The following MAGI2 variants were observed in gnomAD, a reference collection of about 807,000 sequenced individuals.
The protein encoded by MAGI2 is membrane associated guanylate kinase, WW and PDZ domain containing 2.
A neutral mutation model predicts 133.3 loss-of-function variants in MAGI2; 35 were observed. The observed-to-expected ratio is 0.26, with a 90% CI of 0.20 to 0.35. The LOEUF (loss-of-function observed/expected upper bound fraction) is 0.35. MAGI2 is among the 10% of genes least tolerant of loss of function. MAGI2 has a pLI of 1.00. For missense variants in MAGI2, 1,636 were observed against 1,863.4 expected (o/e 0.88, Z 2.25); for synonymous variants, 729 against 710.6 (o/e 1.03, Z -0.41).
intron 1 of MAGI2, among the ~76,000 whole-genome samples, chr7:79,012,871 C>T (rs1038223564): frequency 3.3e-5 from 5 of 152,148 alleles, no homozygotes; most frequent in African/African-American, 4.8e-5. Context: ...GCACTCTTCC[C>T]GGCTTGCAAA....
chr7:78,512,732 T>C (rs1468860119), intron 4 of MAGI2, among the ~76,000 whole-genome samples: 1 of 152,208 alleles, frequency 6.6e-6, no homozygotes, highest in Admixed American at 6.5e-5. Flanking sequence ...GGTATGTGAA[T>C]TACTGAGAAT....
At chr7:78,838,509 A>AGTGT (rs34844201) in intron 2 of MAGI2, among the ~76,000 whole-genome samples, 2,354 of 147,796 alleles carry the variant, frequency 0.016, 25 homozygotes, top group South Asian at 0.028. Context: ...TATGTGTGTG[A>AGTGT]GTGTGTGTGT....
intron 21 of MAGI2, among the ~76,000 whole-genome samples, chr7:78,046,803 T>C (rs570456957): frequency 6.6e-6 from 1 of 152,226 alleles, no homozygotes. Flanking sequence ...AAAAAGATAA[T>C]GACTTTTAAA....
intron 2 of MAGI2, among the ~76,000 whole-genome samples, chr7:78,997,336 G>T (rs946631839): frequency 4.6e-5 from 7 of 152,220 alleles, no homozygotes; most frequent in Non-Finnish European, 7.4e-5. Flanking sequence ...AGGCATGGTG[G>T]CTCATGCTTG....
intron 20 of MAGI2, among the ~76,000 whole-genome samples, chr7:78,108,420 T>C (rs752975343): frequency 5.3e-5 from 8 of 152,214 alleles, no homozygotes; most frequent in Non-Finnish European, 1.0e-4. Flanking sequence ...AAATGATCCA[T>C]GTGCTGAAGA....
At chr7:79,268,379 A>T (rs1303995595) in intron 1 of MAGI2, among the ~76,000 whole-genome samples, 1 of 152,170 alleles carries the variant, frequency 6.6e-6, no homozygotes, top group Non-Finnish European at 1.5e-5. Flanking sequence ...AGTTTAATAT[A>T]TTTTTATTGT....
At position 78,309,734 on chromosome 7, in the gene MAGI2, T is replaced by C. The variant is rs201956629; in HGVS notation, c.1408+34044A>G. Among the ~76,000 whole-genome samples the C allele has an allele frequency of 4.6e-5, 7 of 152,188 alleles. No homozygotes were observed. In the East Asian group the frequency reaches 1.2e-3, roughly 25 times the overall value. ...TTTCAATAGCACAATGGAAAAAGCA[T>C]AGAACCTGGAATTAAGAGCCTGAGG... is the stretch of plus-strand genomic sequence containing the variant. On this transcript the variant is annotated intron_variant, in intron 9 of 21. Coordinates refer to ENST00000354212, the MANE Select transcript of MAGI2 (RefSeq NM_012301.4).
intron 2 of MAGI2, among the ~76,000 whole-genome samples, chr7:78,653,989 C>T (rs76600873): frequency 6.6e-6 from 1 of 151,990 alleles, no homozygotes; most frequent in African/African-American, 2.4e-5. Context: ...TACAGTGATA[C>T]CCTGAAAATT....
intron 1 of MAGI2, among the ~76,000 whole-genome samples, chr7:79,252,029 C>A (rs1554420854): frequency 6.6e-6 from 1 of 151,676 alleles, no homozygotes; most frequent in Non-Finnish European, 1.5e-5. Context: ...TGGTAGCCCA[C>A]ACCTATGGTT....
In MAGI2 at chr7:78,079,062, G is replaced by A. The variant is rs767455776; in HGVS notation, c.3591C>T (p.Ile1197=). Residue 1197 remains isoleucine (I), a synonymous_variant, in exon 21 of 22, where the codon ATC becomes ATT. Coordinates refer to ENST00000354212, the MANE Select transcript of MAGI2 (RefSeq NM_012301.4). ...RMRVGDQIIE[I]NGESTRDMTH... The stretch of plus-strand genomic sequence containing the variant: ...TCATGTCCCTTGTGCTTTCCCCATT[G>A]ATTTCAATGATTTGATCTCCTACCT... 1.2e-6 allele frequency: 2 copies of A among 1,613,286 alleles called. No individual in the cohort carries two copies. The highest frequency in any genetic ancestry group is 1.7e-6 in the Non-Finnish European group (2 of 1,179,836).
chr7:79,131,421 A>T (rs77159798), intron 1 of MAGI2, among the ~76,000 whole-genome samples: 2,961 of 152,346 alleles, frequency 0.019, 115 homozygotes, highest in African/African-American at 0.067. Context: ...AGAGAAACCC[A>T]GAGGACGTGA....
chr7:79,413,813 C>T (rs1846303962), intron 1 of MAGI2: 1 of 152,162 alleles, frequency 6.6e-6, no homozygotes, highest in Non-Finnish European at 1.5e-5. Flanking sequence ...CATGTTGAAA[C>T]ACTTACCCTT....
chr7:78,467,921 C>A (rs2151530465), intron 6 of MAGI2, among the ~76,000 whole-genome samples: 1 of 152,122 alleles, frequency 6.6e-6, no homozygotes, highest in African/African-American at 2.4e-5. Context: ...ATGCAAAAAA[C>A]ATATCTCTAG....
chr7:78,781,627 A>C (rs37847), intron 2 of MAGI2, among the ~76,000 whole-genome samples: 136,659 of 152,026 alleles, frequency 0.9, 61,510 homozygotes, highest in East Asian at 1. Flanking sequence ...AAAAGAAATA[A>C]CCTACATATT....
chr7:79,005,025 T>C (rs1807298158), intron 2 of MAGI2, among the ~76,000 whole-genome samples: 1 of 148,926 alleles, frequency 6.7e-6, no homozygotes, highest in African/African-American at 2.5e-5. Flanking sequence ...GAGGTTGCAG[T>C]GAGCTGAGAT....
In MAGI2 at chr7:78,763,740, A is replaced by G. The variant is rs1023040600; in HGVS notation, c.419-136501T>C. ...AGGAAAGTACAAAAAAATAAGACAT[A>G]TAACTTTTCATAGGCTTTAACAATT... On this transcript the variant is annotated intron_variant, in intron 2 of 21. Transcript: ENST00000354212. Among the ~76,000 whole-genome samples the G allele has an allele frequency of 2.0e-5, 3 of 152,178 alleles. No individual in the cohort carries two copies. In the South Asian group the frequency reaches 6.2e-4, roughly 32 times the overall value.
chr7:78,991,045 C>T (rs1178241872), intron 2 of MAGI2, among the ~76,000 whole-genome samples: 1 of 151,310 alleles, frequency 6.6e-6, no homozygotes, highest in Non-Finnish European at 1.5e-5. Flanking sequence ...ATCATGGGGG[C>T]AGTTTCCCCC....
intron 9 of MAGI2, among the ~76,000 whole-genome samples, chr7:78,261,825 T>A (rs1383303922): frequency 6.6e-6 from 1 of 152,192 alleles, no homozygotes; most frequent in Non-Finnish European, 1.5e-5. Flanking sequence ...TTTTAAATCA[T>A]AATACATAAT....
At chr7:79,065,584 T>C (rs1302371289) in intron 1 of MAGI2, among the ~76,000 whole-genome samples, 1 of 152,142 alleles carries the variant, frequency 6.6e-6, no homozygotes, top group Admixed American at 6.6e-5. Flanking sequence ...TATTATACTT[T>C]AAGTTTTCAG....
Sources: allele counts gnomAD v4.1 joint callset (sites outside exome capture counted in the v4.1 genomes callset), GRCh38; gene constraint gnomAD v4.1.1; transcripts MANE v1.5; gene names NCBI Gene and HGNC (gene_info 2026-07-23, HGNC 2026-07-21).